DPP8: variants seen among roughly 807,000 people sequenced by gnomAD.
The protein encoded by DPP8 is dipeptidyl peptidase 8, also known as DPP VIII.
A neutral mutation model predicts 107.5 loss-of-function variants in DPP8; 31 were observed. That is an observed-to-expected ratio of 0.29 (90% CI 0.22 to 0.39). The LOEUF (loss-of-function observed/expected upper bound fraction) is 0.39, where lower values mean the gene tolerates loss of function less well. Among genes scored for constraint, DPP8 ranks in the 10% least tolerant of loss-of-function variants. The pLI, the probability that DPP8 is intolerant of heterozygous loss-of-function variation, is 1.00. For synonymous variants in DPP8, 381 were observed against 356.6 expected, an observed-to-expected ratio of 1.07 and a Z score of -0.77; for missense variants, 842 against 1,076.1, an observed-to-expected ratio of 0.78 and a Z score of 3.04.
chr15:65,470,259 C>T (rs1173672509), intron 12 of DPP8, among the ~76,000 whole-genome samples: 5 of 145,938 alleles, frequency 3.4e-5, no homozygotes, highest in Non-Finnish European at 1.5e-5. Context: ...GGAACAGTCA[C>T]TTGTAAAAGT....
chr15:65,497,496 T>C (rs1194602689), intron 5 of DPP8, among the ~76,000 whole-genome samples: 4 of 151,746 alleles, frequency 2.6e-5, no homozygotes, highest in Non-Finnish European at 5.9e-5. Context: ...TCAAACAATC[T>C]GCCTGCCTCA....
At chr15:65,506,584 C>A (rs992055013) in intron 3 of DPP8, among the ~76,000 whole-genome samples, 1 of 150,506 alleles carries the variant, frequency 6.6e-6, no homozygotes, top group Non-Finnish European at 1.5e-5. Flanking sequence ...TAGCAAGACC[C>A]CATCTTATTA....
intron 12 of DPP8, among the ~76,000 whole-genome samples, chr15:65,472,606 G>A (rs372948118): frequency 2.2e-4 from 34 of 152,108 alleles, no homozygotes; most frequent in East Asian, 9.6e-4. Flanking sequence ...GCCAGTAAAC[G>A]CAATTTATAA....
At chr15:65,489,971 G>A (rs1204086956) in intron 6 of DPP8, among the ~76,000 whole-genome samples, 2 of 150,662 alleles carry the variant, frequency 1.3e-5, no homozygotes, top group African/African-American at 4.9e-5. Flanking sequence ...CGCCTGCCTC[G>A]GCCTCCCAAA....
At chr15:65,487,449 C>G (rs545333912) in intron 7 of DPP8, among the ~76,000 whole-genome samples, 1 of 152,180 alleles carries the variant, frequency 6.6e-6, no homozygotes, top group Non-Finnish European at 1.5e-5. Flanking sequence ...ACGCCCGGCG[C>G]AAAGATACCT....
chr15:65,505,049 ATCT>A (rs1429301625), intron 3 of DPP8, among the ~76,000 whole-genome samples: 1 of 152,016 alleles, frequency 6.6e-6, no homozygotes, highest in Non-Finnish European at 1.5e-5. Flanking sequence ...CATATCTGGT[ATCT>A]TCTTTAAAAC....
At chr15:65,506,076 A>G (rs1463112236) in intron 3 of DPP8, among the ~76,000 whole-genome samples, 1 of 152,128 alleles carries the variant, frequency 6.6e-6, no homozygotes, top group Non-Finnish European at 1.5e-5. Context: ...TCACACCTGT[A>G]ATCCCAGCAC....
intron 12 of DPP8, among the ~76,000 whole-genome samples, chr15:65,471,898 A>T (rs2065929559): frequency 6.6e-6 from 1 of 152,174 alleles, no homozygotes; most frequent in Non-Finnish European, 1.5e-5. Flanking sequence ...CAGTAAACAT[A>T]ATCCTTCAAT....
intron 2 of DPP8, among the ~76,000 whole-genome samples, chr15:65,511,181 G>C (rs1416833264): frequency 2.6e-5 from 4 of 152,014 alleles, no homozygotes; most frequent in Non-Finnish European, 5.9e-5. Flanking sequence ...CTCATCTTTT[G>C]TAACAACAGA....
chr15:65,498,059 T>C, intron 4 of DPP8, 27 bp from the exon 5 acceptor site: 1 of 1,551,828 alleles, frequency 6.4e-7, no homozygotes, highest in South Asian at 1.2e-5. Context: ...CATTTTAAGG[T>C]AAGTATTAGG....
chr15:65,494,592 G>A (rs2068385301), intron 5 of DPP8, among the ~76,000 whole-genome samples: 2 of 139,054 alleles, frequency 1.4e-5, no homozygotes, highest in Admixed American at 1.5e-4. Context: ...GAGGATTGCT[G>A]CAGCCCCGTG....
chr15:65,479,276 A>G (rs1595970924), intron 10 of DPP8, among the ~76,000 whole-genome samples: 1 of 152,334 alleles, frequency 6.6e-6, no homozygotes, highest in African/African-American at 2.4e-5. Context: ...AAAAAGAAAA[A>G]TATGACCAAA....
intron 14 of DPP8, among the ~76,000 whole-genome samples, chr15:65,466,335 T>C (rs1314141040): frequency 6.6e-6 from 1 of 152,050 alleles, no homozygotes; most frequent in Non-Finnish European, 1.5e-5. Flanking sequence ...GACGGGGTTT[T>C]ACTAATTGGC....
intron 6 of DPP8, 56 bp from the exon 7 acceptor site, chr15:65,487,874 T>C: frequency 2.5e-6 from 3 of 1,182,806 alleles, no homozygotes; most frequent in Non-Finnish European, 3.6e-6. Flanking sequence ...AGAGTAGTCA[T>C]AACCAACCGT....
chr15:65,459,253 T>C (rs1435025207), intron 15 of DPP8, among the ~76,000 whole-genome samples: 4 of 151,992 alleles, frequency 2.6e-5, no homozygotes, highest in African/African-American at 4.8e-5. Flanking sequence ...CACAGCTCAC[T>C]GCAACTTCAA....
intron 14 of DPP8, among the ~76,000 whole-genome samples, chr15:65,465,824 G>C (rs1433645821): frequency 6.6e-6 from 1 of 152,116 alleles, no homozygotes; most frequent in East Asian, 1.9e-4. Context: ...CCAAAGTGCT[G>C]GGATTACACG....
At chr15:65,513,903 A>T (rs1415800885) in intron 1 of DPP8, among the ~76,000 whole-genome samples, 1 of 152,252 alleles carries the variant, frequency 6.6e-6, no homozygotes, top group Admixed American at 6.5e-5. Flanking sequence ...GAACATAAAA[A>T]TTCTGGGCAA....
chr15:65,502,080 G>C (rs1346788590), intron 3 of DPP8, among the ~76,000 whole-genome samples: 3 of 152,096 alleles, frequency 2.0e-5, no homozygotes, highest in Non-Finnish European at 4.4e-5. Flanking sequence ...TAGTAGAAAT[G>C]GAGTTTCGCC....
chr15:65,494,792 A>T (rs935517277), intron 5 of DPP8, among the ~76,000 whole-genome samples: 2 of 152,004 alleles, frequency 1.3e-5, no homozygotes, highest in Non-Finnish European at 2.9e-5. Flanking sequence ...TAAACACCAA[A>T]ATCTATACTT....
Sources: allele counts gnomAD v4.1 joint callset (sites outside exome capture counted in the v4.1 genomes callset), GRCh38; gene constraint gnomAD v4.1.1; transcripts MANE v1.5; gene names NCBI Gene and HGNC (gene_info 2026-07-23, HGNC 2026-07-21).